POLE: variants seen among roughly 807,000 people sequenced by gnomAD.
POLE encodes the protein DNA polymerase epsilon, catalytic subunit.
In POLE, 188 loss-of-function variants were observed where a neutral mutation model predicts 279.2. That is an observed-to-expected ratio of 0.67 (90% CI 0.60 to 0.76). The LOEUF is 0.76. POLE is among the 30% of genes least tolerant of loss of function. POLE has a pLI of 0.00. For synonymous variants in POLE, 1,214 were observed against 1,172.5 expected, an observed-to-expected ratio of 1.04 and a Z score of -0.72; for missense variants, 2,703 against 3,016.7, an observed-to-expected ratio of 0.90 and a Z score of 2.44.
At chr12:132,686,569 T>C (rs1210392852) in intron 1 of POLE, among the ~76,000 whole-genome samples, 1 of 151,892 alleles carries the variant, frequency 6.6e-6, no homozygotes, top group Admixed American at 6.6e-5. Context: ...ACCCGGTCTC[T>C]ACTAAAAATA....
chr12:132,650,281 AC>A (rs2042393768), intron 29 of POLE: 1 of 217,834 alleles, frequency 4.6e-6, no homozygotes, highest in Non-Finnish European at 9.3e-6. Flanking sequence ...TAAGTATATC[AC>A]CTGAAATGGG....
intron 16 of POLE, among the ~76,000 whole-genome samples, chr12:132,671,678 G>GAAAAAAAA (rs59237637): frequency 8.3e-5 from 6 of 72,538 alleles, no homozygotes; most frequent in Admixed American, 5.7e-4. Flanking sequence ...CTCAAAAAGG[G>GAAAAAAAA]AAAAAAAAAA....
In POLE at chr12:132,632,403, G is replaced by C; in HGVS notation, c.6242C>G (p.Thr2081Ser). ...QKKVTGSRNS[T>S]ELSEMFPVLP... ...GACAGGAAACATCTCTGAGAGCTCA[G>C]TGGAGTTCCGAGAGCCTGTGACTTT... Residue 2081 changes from threonine to serine, a missense_variant, in exon 45 of 49, where the codon ACT becomes AGT. Thr to Ser is a moderately conservative substitution (Grantham distance 58). Transcript: ENST00000320574. 4 of 1,613,826 alleles carry C rather than the reference G, an allele frequency of 2.5e-6. No homozygotes were observed. Among genetic ancestry groups the C allele is most frequent in the Non-Finnish European group, 3.4e-6 (4 of 1,179,686 alleles).
At position 132,673,150 on chromosome 12, in the gene POLE, C is replaced by T. The variant is rs767022424; in HGVS notation, c.1473+14G>A. 4 of 1,533,046 alleles carry T rather than the reference C, an allele frequency of 2.6e-6. No homozygotes were observed. Among genetic ancestry groups the T allele is most frequent in the Non-Finnish European group, 1.8e-6 (2 of 1,106,102 alleles). 95.0% of individuals were successfully genotyped at this position (1,533,046 alleles called of 1,614,324 possible). On this transcript the variant is annotated intron_variant, in intron 14 of 48. Transcript: ENST00000320574. ...TGAGGAGGCCAGGGTGCCGACAGGA[C>T]AGATAATGCTCACCTCGTCGGGCTC... is the stretch of plus-strand genomic sequence containing the variant.
In POLE at chr12:132,632,314, C is replaced by T. The variant is rs768952241; in HGVS notation, c.6330+1G>A. The stretch of plus-strand genomic sequence containing the variant: ...CCTCACACGCACGCTGGCACTCTCA[C>T]CTTGCACACGTATTTGATGAACTCC... On this transcript the variant is annotated splice_donor_variant, in intron 45 of 48. Coordinates refer to ENST00000320574, the MANE Select transcript of POLE (RefSeq NM_006231.4). LOFTEE classifies it high-confidence loss of function. 2 of 1,613,060 alleles carry T rather than the reference C, an allele frequency of 1.2e-6. No homozygotes were observed. The highest frequency in any genetic ancestry group is 3.3e-5 in the Admixed American group (2 of 60,024).
chr12:132,666,885 T>G (rs1390613064), intron 20 of POLE, among the ~76,000 whole-genome samples: 1 of 152,004 alleles, frequency 6.6e-6, no homozygotes, highest in Non-Finnish European at 1.5e-5. Flanking sequence ...CTTACCATTA[T>G]AAAAAAGAAC....
At chr12:132,631,628 C>T (rs2041935057) in intron 45 of POLE, among the ~76,000 whole-genome samples, 1 of 152,106 alleles carries the variant, frequency 6.6e-6, no homozygotes, top group South Asian at 2.1e-4. Flanking sequence ...GGCTGACACC[C>T]GCGGTCGTTA....
intron 45 of POLE, among the ~76,000 whole-genome samples, chr12:132,629,700 T>C (rs2041899069): frequency 6.6e-6 from 1 of 152,216 alleles, no homozygotes; most frequent in Admixed American, 6.5e-5. Flanking sequence ...CAGACTCAAC[T>C]TTCTCCATAT....
Position 132,677,704 on chromosome 12 carries a change from G to A in POLE, c.594C>T (p.Gly198=), listed in dbSNP as rs140185156. ...TALLSSVLQR[G]GVITDEEETS... is the part of the protein sequence containing the mutation. ...TTTCCTCTTCATCAGTAATGACACC[G>A]CCCCTCTGCAGAACACTAGGAATTA... is the stretch of plus-strand genomic sequence containing the variant. The change falls in exon 7 of 49, where the codon GGC becomes GGT. Residue 198 remains glycine (G), a synonymous_variant. Transcript: ENST00000320574. 37 of 1,613,876 alleles carry A rather than the reference G, an allele frequency of 2.3e-5. No homozygotes were observed. Among genetic ancestry groups the A allele is most frequent in the East Asian group, 4.5e-5 (2 of 44,894 alleles).
Position 132,658,090 on chromosome 12 carries a change from T to C in POLE, c.3276-120A>G, listed in dbSNP as rs1387449061. On this transcript the variant is annotated intron_variant, in intron 26 of 48. Coordinates refer to ENST00000320574, the MANE Select transcript of POLE (RefSeq NM_006231.4). ...TGTAACAGCTGTTCACAAACATCAA[T>C]GTATACATCTGCGTGCATATGTATG... The C allele has an allele frequency of 5.9e-6, 4 of 682,152 alleles. No individual in the cohort carries two copies. The Admixed American group carries it at 7.1e-5, about 12-fold the overall frequency. The allele number at this position is 682,152 out of a possible 1,614,324, so 42.3% of individuals were successfully genotyped here.
In POLE at chr12:132,626,105, G is replaced by A. The variant is rs1041511996; in HGVS notation, c.6531+12C>T. 15 of 1,583,248 alleles carry A rather than the reference G, an allele frequency of 9.5e-6. No individual in the cohort carries two copies. Among genetic ancestry groups the A allele is most frequent in the South Asian group, 2.3e-5 (2 of 87,378 alleles). On this transcript the variant is annotated intron_variant, in intron 46 of 48. Transcript: ENST00000320574. The stretch of plus-strand genomic sequence containing the variant: ...GCTCCACAGTGAAGGGCCCGCTGGA[G>A]CTCAGCCGCACCTCTGAGAAGGAAG...
intron 23 of POLE, among the ~76,000 whole-genome samples, chr12:132,663,789 A>G (rs2042729134): frequency 6.6e-6 from 1 of 152,248 alleles, no homozygotes; most frequent in East Asian, 1.9e-4. Flanking sequence ...TCAAAATAAA[A>G]AGTTAAAAGC....
chr12:132,665,590 A>G (rs1344087361), intron 20 of POLE, 140 bp from the exon 21 acceptor site: 1 of 899,132 alleles, frequency 1.1e-6, no homozygotes, highest in East Asian at 2.7e-5. Flanking sequence ...AAGAGTGTAC[A>G]TTCTTCTCCT....
In POLE at chr12:132,657,418, C is replaced by T. The variant is rs2138659947; in HGVS notation, c.3390G>A (p.Trp1130Ter). Residue 1130 changes from tryptophan (W) to a stop codon, truncating the protein, a stop_gained, in exon 28 of 49, where the codon TGG becomes TGA. Coordinates refer to ENST00000320574, the MANE Select transcript of POLE (RefSeq NM_006231.4). LOFTEE classifies it high-confidence loss of function. Reference protein sequence around the residue: ...QDFDIRAILDWDYYIERLGSA... With the variant: ...QDFDIRAILD ...TTCCCAGCCGCTCAATGTAGTAGTC[C>T]CAATCCAGAATCTGCATGTGCAGGA... 1.2e-6 allele frequency: 2 copies of T among 1,614,066 alleles called. No homozygotes were observed. Among genetic ancestry groups the T allele is most frequent in the South Asian group, 1.1e-5 (1 of 91,058 alleles).
rs112241916 is a variant in POLE, at chr12:132,656,838, C to G, written c.3582+298G>C. 1.6e-3 allele frequency among the ~76,000 whole-genome samples: 245 copies of G among 152,292 alleles called. 1 individual carries two copies. Among genetic ancestry groups the G allele is most frequent in the Non-Finnish European group, 2.3e-3 (158 of 68,026 alleles). On this transcript the variant is annotated intron_variant, in intron 29 of 48. Transcript: ENST00000320574. ...AGATATTCATTTCACATTCAGAAAA[C>G]TGGGGCTTCAAGAGACAGTGATTTG...
At chr12:132,686,267 A>AT (rs2043263293) in intron 1 of POLE, among the ~76,000 whole-genome samples, 2 of 144,582 alleles carry the variant, frequency 1.4e-5, no homozygotes, top group South Asian at 2.2e-4. Flanking sequence ...TCCTTGCTCT[A>AT]TTTTTTTTGA....
chr12:132,675,608 A>T lies in POLE; in HGVS notation c.1107-91T>A. On this transcript the variant is annotated intron_variant, in intron 11 of 48. Transcript: ENST00000320574. The surrounding 1 kb of genome is among the most constrained non-coding windows in gnomAD (Gnocchi z 4.3). ...CTCCCTCAGACCCAGGGAGGAACCC[A>T]GACACGGGAGGTGCAGAGTGAACCC... 1 of 1,594,626 alleles carries T rather than the reference A, an allele frequency of 6.3e-7. No homozygotes were observed. Among genetic ancestry groups the T allele is most frequent in the Non-Finnish European group, 8.6e-7 (1 of 1,167,536 alleles).
Position 132,661,303 on chromosome 12 carries a change from CT to C in POLE, c.2865-140del. On this transcript the variant is annotated intron_variant, in intron 24 of 48. Transcript: ENST00000320574. This position sits in a 1 kb window ranked among gnomAD's most constrained non-coding sequence, Gnocchi z 4.1. ...CACGAGGCAGCAAACGTCTCTCTCC[CT>C]TAGGCCACTGCTTCTCTAAAAGGAA... 3 of 964,456 alleles carry C rather than the reference CT, an allele frequency of 3.1e-6. No individual in the cohort carries two copies. The highest frequency in any genetic ancestry group is 4.6e-6 in the Non-Finnish European group (3 of 648,082). The allele number at this position is 964,456 out of a possible 1,614,324, so 59.7% of individuals were successfully genotyped here. A position where few individuals can be genotyped will look rare whatever the true frequency, so the allele number is the denominator to read the frequency against.
Position 132,657,878 on chromosome 12 carries a change from T to C in POLE, c.3368A>G (p.Asp1123Gly), listed in dbSNP as rs2042580837. Reference protein sequence around the residue: ...WLKSSSLQDFDIRAILDWDYY... With the variant: ...WLKSSSLQDFGIRAILDWDYY... ...GCAACTGGCACTCACTGCTCGAATA[T>C]CAAAGTCTTGAAGGGAAGAGCTCTT... Residue 1123 changes from aspartate (D) to glycine (G), a missense_variant, in exon 27 of 49, where the codon GAT becomes GGT. Coordinates refer to ENST00000320574, the MANE Select transcript of POLE (RefSeq NM_006231.4). The C allele has an allele frequency of 6.2e-7, 1 of 1,611,658 alleles. No homozygotes were observed. Among genetic ancestry groups the C allele is most frequent in the Non-Finnish European group, 8.5e-7 (1 of 1,177,722 alleles).
Sources: allele counts gnomAD v4.1 joint callset (sites outside exome capture counted in the v4.1 genomes callset), GRCh38; gene constraint gnomAD v4.1.1; non-coding constraint Gnocchi (gnomAD v3.1); transcripts MANE v1.5; gene names NCBI Gene and HGNC (gene_info 2026-07-23, HGNC 2026-07-21).